Variants in MTHFSD observed in about 807,000 individuals in gnomAD.
MTHFSD encodes methenyltetrahydrofolate synthetase domain containing, also known as methenyltetrahydrofolate synthase domain-containing protein.
Under a neutral mutation model 31.1 loss-of-function variants are expected in MTHFSD, and 37 were observed. The observed-to-expected ratio is 1.19, with a 90% CI of 0.91 to 1.56. The LOEUF (loss-of-function observed/expected upper bound fraction) is 1.56. Among genes scored for constraint, MTHFSD ranks in the 40% most tolerant of loss-of-function variants. The pLI is 0.00. For synonymous variants in MTHFSD, 221 were observed against 206.9 expected, an observed-to-expected ratio of 1.07 and a Z score of -0.59; for missense variants, 664 against 510.1, an observed-to-expected ratio of 1.30 and a Z score of -2.91.
At chr16:86,547,198 G>A in intron 4 of MTHFSD, 1 of 986,830 alleles carries the variant, frequency 1.0e-6, no homozygotes, top group Non-Finnish European at 1.2e-6. Context: ...CTATCTTTAT[G>A]TACAATATAC....
chr16:86,541,561 T>C (rs1404147062), intron 7 of MTHFSD, 136 bp downstream of exon 7: 1 of 1,238,216 alleles, frequency 8.1e-7, no homozygotes, highest in African/African-American at 1.5e-5. Flanking sequence ...GGAGCCAAAT[T>C]GCTCAAAAGC....
intron 5 of MTHFSD, among the ~76,000 whole-genome samples, chr16:86,543,849 C>T (rs982498617): frequency 1.3e-5 from 2 of 152,210 alleles, no homozygotes; most frequent in African/African-American, 4.8e-5. Context: ...CTCCCCATCA[C>T]TCTCATTACT....
chr16:86,548,347 C>G, intron 4 of MTHFSD, 117 bp downstream of exon 4: 1 of 965,418 alleles, frequency 1.0e-6, no homozygotes, highest in Admixed American at 2.3e-5. Flanking sequence ...TATCTCTGTT[C>G]TTTTGGCTCT....
At chr16:86,535,367 G>A (rs1338449102) in intron 7 of MTHFSD, 17 of 985,168 alleles carry the variant, frequency 1.7e-5, no homozygotes, top group Non-Finnish European at 1.8e-5. Context: ...CCAGCAGCTG[G>A]ATGACCACGC....
intron 1 of MTHFSD, 34 bp from the exon 2 acceptor site, chr16:86,554,785 A>G: frequency 1.3e-6 from 2 of 1,558,268 alleles, no homozygotes; most frequent in Non-Finnish European, 1.8e-6. Context: ...ATAACATACA[A>G]AGGAATTCCA....
At chr16:86,550,786 T>TCC (rs1241266941) in intron 3 of MTHFSD, among the ~76,000 whole-genome samples, 20 of 152,216 alleles carry the variant, frequency 1.3e-4, no homozygotes, top group Middle Eastern at 3.2e-3. Context: ...AAGCTATGCT[T>TCC]CTGGAAGAGC....
chr16:86,531,965 G>A lies in MTHFSD; in HGVS notation c.*46C>T, dbSNP rs1970030613. The A allele has an allele frequency of 4.6e-6, 6 of 1,308,754 alleles. No homozygotes were observed. The highest frequency in any genetic ancestry group is 3.3e-5 in the Admixed American group (1 of 29,946). 81.1% of individuals were successfully genotyped at this position (1,308,754 alleles called of 1,614,324 possible). A position where few individuals can be genotyped will look rare whatever the true frequency, so the allele number is the denominator to read the frequency against. ...TGCCATCGGAACCGGAGCGGCAGGG[G>A]ACGGGGATGGCGAGTCTGCAGTGAG... On this transcript the variant is annotated 3_prime_UTR_variant, in exon 8 of 8. Transcript: ENST00000360900. This position sits in a 1 kb window ranked among gnomAD's most constrained non-coding sequence, Gnocchi z 5.5.
intron 3 of MTHFSD, among the ~76,000 whole-genome samples, chr16:86,550,279 T>C (rs986307681): frequency 6.6e-6 from 1 of 152,214 alleles, no homozygotes; most frequent in Non-Finnish European, 1.5e-5. Context: ...CTACATCCTA[T>C]GCCCAGCACG....
intron 7 of MTHFSD, among the ~76,000 whole-genome samples, chr16:86,538,449 G>A (rs1971019897): frequency 6.6e-6 from 1 of 152,190 alleles, no homozygotes; most frequent in African/African-American, 2.4e-5. Flanking sequence ...TCTGTTGTCA[G>A]TGACTCATAG....
Position 86,532,244 on chromosome 16 carries a change from C to T in MTHFSD, c.919G>A (p.Asp307Asn). The T allele has an allele frequency of 5.1e-6, 8 of 1,567,386 alleles. No individual in the cohort carries two copies. Among genetic ancestry groups the T allele is most frequent in the South Asian group, 1.2e-5 (1 of 83,636 alleles). Residue 307 changes from aspartate (D) to asparagine (N), a missense_variant, in exon 8 of 8, where the codon GAT (aspartate) becomes AAT (asparagine). Physicochemically the swap from Asp to Asn is conservative, Grantham distance 23 (BLOSUM62 1). Transcript: ENST00000360900. ...PPGEGAPLAA[D>N]VYVGNLPGDA... ...CCGGGGAGGTTCCCAACGTAAACAT[C>T]GGCTGCAAGCGGGGCACCCTCCCCT...
Position 86,548,504 on chromosome 16 carries a change from C to T in MTHFSD, c.311G>A (p.Gly104Glu). 1 of 1,613,738 alleles carries T rather than the reference C, an allele frequency of 6.2e-7. No homozygotes were observed. Among genetic ancestry groups the T allele is most frequent in the Non-Finnish European group, 8.5e-7 (1 of 1,179,918 alleles). The change falls in exon 4 of 8, where the codon GGG becomes GAG. Residue 104 changes from glycine (G) to glutamate (E), a missense_variant. Gly to Glu is a moderately conservative substitution (Grantham distance 98). Transcript: ENST00000360900. ...TTTTCTCAAGATGTCTTTAGTTGCC[C>T]CAGGGGGTGGTGTGATCTTATTAAA... is the stretch of plus-strand genomic sequence containing the variant. ...GLFNKITPPP[G>E]ATKDILRKCA...
At chr16:86,535,308 C>G in intron 7 of MTHFSD, 1 of 392,460 alleles carries the variant, frequency 2.5e-6, no homozygotes, top group Non-Finnish European at 3.3e-6. Flanking sequence ...TTCACATCAG[C>G]TCCCTCCTCC....
At chr16:86,549,515 C>G (rs1972830190) in intron 3 of MTHFSD, among the ~76,000 whole-genome samples, 2 of 152,370 alleles carry the variant, frequency 1.3e-5, no homozygotes, top group African/African-American at 4.8e-5. Flanking sequence ...CGGCCTGCTG[C>G]TTTTCTGGGA....
chr16:86,550,902 G>A (rs1973051426), intron 3 of MTHFSD, among the ~76,000 whole-genome samples: 1 of 152,206 alleles, frequency 6.6e-6, no homozygotes, highest in Admixed American at 6.5e-5. Context: ...TGTGGAAAGT[G>A]CCCCTCTCAC....
At chr16:86,550,710 ACTG>A (rs1362652123) in intron 3 of MTHFSD, among the ~76,000 whole-genome samples, 2 of 152,232 alleles carry the variant, frequency 1.3e-5, no homozygotes, top group African/African-American at 4.8e-5. Context: ...CTTCCTTGCT[ACTG>A]CTGCTATTAC....
chr16:86,554,393 C>G (rs182358881), intron 2 of MTHFSD, among the ~76,000 whole-genome samples: 1 of 152,148 alleles, frequency 6.6e-6, no homozygotes, highest in Non-Finnish European at 1.5e-5. Flanking sequence ...AAGAACCCAC[C>G]AATTCTGGAC....
At chr16:86,553,523 G>C (rs952608015) in intron 2 of MTHFSD, 1 of 152,598 alleles carries the variant, frequency 6.6e-6, no homozygotes, top group Non-Finnish European at 1.5e-5. Context: ...CACAGCGGCT[G>C]GCCCTGGGCA....
chr16:86,547,576 G>T (rs1051583889), intron 4 of MTHFSD: 49 of 988,292 alleles, frequency 5.0e-5, no homozygotes, highest in Non-Finnish European at 5.5e-5. Flanking sequence ...CAACTGCAAA[G>T]GAAGAGACGG....
chr16:86,552,005 T>TA lies in MTHFSD; in HGVS notation c.237+27_237+28insT, dbSNP rs1567556081. The TA allele has an allele frequency of 2.5e-6, 4 of 1,613,542 alleles. No homozygotes were observed. The South Asian group carries it at 3.3e-5, about 13-fold the overall frequency. On this transcript the variant is annotated intron_variant, in intron 3 of 7. Coordinates refer to ENST00000360900, the MANE Select transcript of MTHFSD (RefSeq NM_001159377.2). ...AGGTGTCCCCCTTGGCGGCCAGGTC[T>TA]CGGCTCGGCTCAGGGAAGTGGAATT...
Sources: gnomAD v4.1 joint callset for allele counts (sites outside exome capture counted in the v4.1 genomes callset) on GRCh38, gnomAD v4.1.1 for gene constraint, Gnocchi (gnomAD v3.1) non-coding constraint, MANE v1.5 for transcripts, NCBI Gene and HGNC (gene_info 2026-07-23, HGNC 2026-07-21) for gene names.